Variants in CDH4 observed in about 807,000 individuals in gnomAD.
CDH4 encodes cadherin 4, also known as cadherin-4.
CDH4 carries 33 observed loss-of-function variants against 86.0 expected under a neutral mutation model. That is an observed-to-expected ratio of 0.38 (90% CI 0.29 to 0.51). CDH4 has a LOEUF of 0.51. Among genes scored for constraint, CDH4 ranks in the 20% least tolerant of loss-of-function variants. The pLI, the probability that CDH4 is intolerant of heterozygous loss-of-function variation, is 0.86. For missense variants in CDH4, 1,114 were observed against 1,307.4 expected, an observed-to-expected ratio of 0.85 and a Z score of 2.28; for synonymous variants, 555 against 549.4, an observed-to-expected ratio of 1.01 and a Z score of -0.14.
Position 61,709,075 on chromosome 20 carries a change from A to T in CDH4, c.170-34488A>T, listed in dbSNP as rs1286334118. Among the ~76,000 whole-genome samples, 1 of 152,080 alleles carries T rather than the reference A, an allele frequency of 6.6e-6. No individual in the cohort carries two copies. Among genetic ancestry groups the T allele is most frequent in the Non-Finnish European group, 1.5e-5 (1 of 68,006 alleles). ...CTGGCTCATGATGGGAGTGTGGAGG[A>T]CACTGGCTGAGTTCACATCACCCCA... On this transcript the variant is annotated intron_variant, in intron 2 of 15. Transcript: ENST00000614565. This position sits in a 1 kb window ranked among gnomAD's most constrained non-coding sequence, Gnocchi z 4.8.
At chr20:61,852,685 TC>T in intron 5 of CDH4, 68 bp from the exon 6 acceptor site, 1 of 1,537,444 alleles carries the variant, frequency 6.5e-7, no homozygotes, top group Non-Finnish European at 8.8e-7. Context: ...GCACCGCGGG[TC>T]CCAGGCCGCT....
chr20:61,788,762 C>T (rs1309320938), intron 4 of CDH4, among the ~76,000 whole-genome samples: 2 of 152,212 alleles, frequency 1.3e-5, no homozygotes, highest in African/African-American at 4.8e-5. Flanking sequence ...CCCCAAAGCT[C>T]TCTGCTCAAA....
rs368667044 is a variant in CDH4 at position 61,784,709 on chromosome 20, C to T, written c.576+11527C>T. On this transcript the variant is annotated intron_variant, in intron 4 of 15. Transcript: ENST00000614565. ...CAAGAGAAATGTAATCCCAGTTCCT[C>T]GGGACAGTTCTCAAGGCCCTCCGAT... Among the ~76,000 whole-genome samples, 528 of 89,088 alleles carry T rather than the reference C, an allele frequency of 5.9e-3. 4 individuals are homozygous for T. Among genetic ancestry groups the T allele is most frequent in the Middle Eastern group, 0.029 (4 of 138 alleles). The allele number at this position is 89,088 out of a possible 152,430, so 58.4% of individuals were successfully genotyped here.
intron 7 of CDH4, among the ~76,000 whole-genome samples, chr20:61,890,089 GATGGATGGATGC>G (rs1218031556): frequency 2.0e-5 from 3 of 149,444 alleles, no homozygotes; most frequent in African/African-American, 5.0e-5. Flanking sequence ...TGGATGGATG[GATGGATGGATGC>G]ATGGATGGAT....
chr20:61,629,967 A>C (rs1009459902), intron 2 of CDH4, among the ~76,000 whole-genome samples: 6 of 152,216 alleles, frequency 3.9e-5, no homozygotes, highest in African/African-American at 1.4e-4. Flanking sequence ...CTCGGAGGAC[A>C]GCTGACTGCC....
intron 2 of CDH4, among the ~76,000 whole-genome samples, chr20:61,311,977 ACATGCCTG>A (rs1407227663): frequency 6.6e-6 from 1 of 152,266 alleles, no homozygotes; most frequent in Non-Finnish European, 1.5e-5. Flanking sequence ...GTATGTGTTT[ACATGCCTG>A]CATGTGTGTA....
intron 2 of CDH4, among the ~76,000 whole-genome samples, chr20:61,338,277 G>C (rs1456735887): frequency 6.6e-6 from 1 of 151,370 alleles, no homozygotes; most frequent in Admixed American, 6.6e-5. Context: ...GGGAGATTGG[G>C]AAAAAATTGA....
Position 61,936,954 on chromosome 20 carries a change from A to T in CDH4, c.*11A>T. ...GGTGAAGAGGATTGACTGACCTCGC[A>T]TCTTCGGACCGAAGTGAGAGCCGTG... On this transcript the variant is annotated 3_prime_UTR_variant, in exon 16 of 16. Transcript: ENST00000614565. 6.4e-7 allele frequency: 1 copy of T among 1,551,570 alleles called. No individual in the cohort carries two copies. Among genetic ancestry groups the T allele is most frequent in the East Asian group, 2.4e-5 (1 of 41,900 alleles).
In CDH4 at chr20:61,773,161, C is replaced by T. The variant is rs1480752042; in HGVS notation, c.555C>T (p.Pro185=). ...ACGTGCCCGAGAACTCGCGCGGGCCCTTCCCGCAGCAGCTCGTGAGGGTGA... is the reference window on the plus strand; with the variant it reads ...ACGTGCCCGAGAACTCGCGCGGGCCTTTCCCGCAGCAGCTCGTGAGGGTGA... The part of the protein sequence containing the change: ...PINVPENSRG[P]FPQQLVRIRS... Residue 185 remains proline (P), a synonymous_variant, in exon 4 of 16, where the codon CCC becomes CCT. Transcript: ENST00000614565. The T allele has an allele frequency of 6.3e-7, 1 of 1,584,254 alleles. No homozygotes were observed. Among genetic ancestry groups the T allele is most frequent in the South Asian group, 1.1e-5 (1 of 87,356 alleles).
chr20:61,524,792 A>G (rs1455003997), intron 2 of CDH4, among the ~76,000 whole-genome samples: 1 of 152,176 alleles, frequency 6.6e-6, no homozygotes, highest in Non-Finnish European at 1.5e-5. Flanking sequence ...CAACTGTTTC[A>G]AAATTAAAAT....
chr20:61,338,957 A>G (rs997565456), intron 2 of CDH4, among the ~76,000 whole-genome samples: 2 of 152,178 alleles, frequency 1.3e-5, no homozygotes, highest in African/African-American at 2.4e-5. Flanking sequence ...GCAAAAACAA[A>G]CAAAAAGAAA....
chr20:61,872,257 T>C (rs73309833), intron 6 of CDH4, among the ~76,000 whole-genome samples: 6,593 of 152,082 alleles, frequency 0.043, 198 homozygotes, highest in African/African-American at 0.075. Flanking sequence ...ACAGAGGACA[T>C]AGACAATAAG....
intron 6 of CDH4, 125 bp from the exon 7 acceptor site, chr20:61,873,603 G>A (rs1233428291): frequency 6.1e-6 from 6 of 978,232 alleles, no homozygotes; most frequent in Non-Finnish European, 6.1e-6. Flanking sequence ...ACGCCGAGAG[G>A]AAGGGGGTTC....
At chr20:61,639,017 T>A (rs1240536838) in intron 2 of CDH4, among the ~76,000 whole-genome samples, 1 of 152,222 alleles carries the variant, frequency 6.6e-6, no homozygotes, top group African/African-American at 2.4e-5. Context: ...GTCATGTTCA[T>A]CAAATGTCAG....
chr20:61,418,249 C>T (rs529065761), intron 2 of CDH4, among the ~76,000 whole-genome samples: 10 of 149,894 alleles, frequency 6.7e-5, no homozygotes, highest in African/African-American at 2.0e-4. Flanking sequence ...CTCGCTCTGT[C>T]CCCCAGGCTG....
chr20:61,772,301 C>T (rs1482509618), intron 3 of CDH4, among the ~76,000 whole-genome samples: 2 of 152,248 alleles, frequency 1.3e-5, no homozygotes, highest in Non-Finnish European at 2.9e-5. Context: ...CATCAGCCTC[C>T]ACCCACTGAC....
intron 2 of CDH4, among the ~76,000 whole-genome samples, chr20:61,668,015 C>G (rs536892766): frequency 4.9e-4 from 75 of 152,256 alleles, no homozygotes; most frequent in African/African-American, 1.8e-3. Context: ...ACTTTGTTGC[C>G]CAAGGCTTCT....
chr20:61,807,149 C>A lies in CDH4; in HGVS notation c.576+33967C>A, dbSNP rs1169935391. On this transcript the variant is annotated intron_variant, in intron 4 of 15. Transcript: ENST00000614565. The surrounding 1 kb of genome is among the most constrained non-coding windows in gnomAD (Gnocchi z 4.5). ...GCCCCCAGCTGCAAGGCCAGTGGGG[C>A]AGGTGCCGGGAGGGCCTCGGGAGGT... Among the ~76,000 whole-genome samples the A allele has an allele frequency of 6.6e-6, 1 of 152,240 alleles. No homozygotes were observed. Among genetic ancestry groups the A allele is most frequent in the Non-Finnish European group, 1.5e-5 (1 of 68,040 alleles).
chr20:61,670,154 G>T (rs11906431), intron 2 of CDH4, among the ~76,000 whole-genome samples: 2,568 of 152,280 alleles, frequency 0.017, 75 homozygotes, highest in African/African-American at 0.054. Flanking sequence ...CACATGACAT[G>T]CAGGGAAATA....
Sources: allele counts gnomAD v4.1 joint callset (sites outside exome capture counted in the v4.1 genomes callset), GRCh38; gene constraint gnomAD v4.1.1; non-coding constraint Gnocchi (gnomAD v3.1); transcripts MANE v1.5; gene names NCBI Gene and HGNC (gene_info 2026-07-23, HGNC 2026-07-21).